Variants in ATXN7 observed in about 807,000 individuals in gnomAD.
The protein encoded by ATXN7 is ataxin-7.
Under a neutral mutation model 70.5 loss-of-function variants are expected in ATXN7, and 12 were observed. The observed-to-expected ratio is 0.17, with a 90% confidence interval of 0.11 to 0.28. The LOEUF (loss-of-function observed/expected upper bound fraction) is 0.28, where lower values mean the gene tolerates loss of function less well. Ranked by LOEUF, ATXN7 falls within the 10% of genes least tolerant of loss-of-function variation. ATXN7 has a pLI of 1.00. For missense variants in ATXN7, 1,256 were observed against 1,131.7 expected, an observed-to-expected ratio of 1.11 and a Z score of -1.58; for synonymous variants, 498 against 448.7, an observed-to-expected ratio of 1.11 and a Z score of -1.39.
chr3:63,983,698 G>A (rs2075526542), intron 8 of ATXN7, among the ~76,000 whole-genome samples: 1 of 151,850 alleles, frequency 6.6e-6, no homozygotes, highest in Admixed American at 6.5e-5. Context: ...TTGCTCTGGG[G>A]TCTTCCTTCT....
At chr3:63,990,520 G>A (rs1192829591) in intron 10 of ATXN7, 146 bp downstream of exon 10, 1 of 1,175,784 alleles carries the variant, frequency 8.5e-7, no homozygotes, top group East Asian at 2.5e-5. Flanking sequence ...GTGCCCCAGA[G>A]GCAGCACACA....
chr3:63,863,930 A>G lies in ATXN7; in HGVS notation c.-339A>G. 2 of 601,754 alleles carry G rather than the reference A, an allele frequency of 3.3e-6. No individual in the cohort carries two copies. The highest frequency in any genetic ancestry group is 4.1e-6 in the Non-Finnish European group (2 of 488,878). 37.3% of individuals were successfully genotyped at this position (601,754 alleles called of 1,614,324 possible). On this transcript the variant is annotated 5_prime_UTR_variant, in exon 1 of 13. Coordinates refer to ENST00000674280, the MANE Select transcript of ATXN7 (RefSeq NM_001377405.1). Reference sequence around the variant, plus strand: ...GCGGCGCCCGCGGCCGCCTGCTCCGACGCCTGAGCCGCGCCGCGCCGCGCC... The same window carrying G: ...GCGGCGCCCGCGGCCGCCTGCTCCGGCGCCTGAGCCGCGCCGCGCCGCGCC...
chr3:63,889,313 G>A (rs768722280), intron 1 of ATXN7, among the ~76,000 whole-genome samples: 9 of 152,256 alleles, frequency 5.9e-5, no homozygotes, highest in Admixed American at 1.3e-4. Flanking sequence ...GACCATATTT[G>A]TACTCCATTT....
chr3:63,967,681 T>TG, intron 5 of ATXN7: 1 of 979,208 alleles, frequency 1.0e-6, no homozygotes, highest in Admixed American at 4.0e-5. Context: ...AATAGAAAGA[T>TG]TAATTTACAC....
intron 4 of ATXN7, among the ~76,000 whole-genome samples, chr3:63,928,230 G>T (rs1704793300): frequency 1.3e-5 from 2 of 152,186 alleles, no homozygotes; most frequent in African/African-American, 4.8e-5. Context: ...GAGCCCAGGA[G>T]GTTGAGGCTG....
chr3:63,981,242 G>T (rs916635340), intron 6 of ATXN7, among the ~76,000 whole-genome samples: 4 of 152,164 alleles, frequency 2.6e-5, no homozygotes, highest in African/African-American at 9.7e-5. Context: ...GGGGCTGTTT[G>T]TCCTGGTTGC....
intron 1 of ATXN7, among the ~76,000 whole-genome samples, chr3:63,894,701 A>G (rs1399679976): frequency 6.6e-6 from 1 of 151,796 alleles, no homozygotes; most frequent in African/African-American, 2.4e-5. Flanking sequence ...GTTTTTAAAA[A>G]TTTTCTGTAG....
At chr3:63,932,103 GT>G (rs139093347) in intron 4 of ATXN7, among the ~76,000 whole-genome samples, 2 of 152,010 alleles carry the variant, frequency 1.3e-5, no homozygotes, top group Non-Finnish European at 1.5e-5. Context: ...TATCCAAAGT[GT>G]TTTTTTATAA....
intron 5 of ATXN7, among the ~76,000 whole-genome samples, chr3:63,967,324 A>T (rs1355857266): frequency 6.6e-6 from 1 of 152,242 alleles, no homozygotes; most frequent in Admixed American, 6.5e-5. Flanking sequence ...ATATGCACAG[A>T]AAGTGGGTTC....
rs530867323 is a variant in ATXN7 at position 63,921,681 on chromosome 3, G to A, written c.394+8456G>A. Among the ~76,000 whole-genome samples the A allele has an allele frequency of 8.5e-4, 130 of 152,234 alleles. 2 individuals carry two copies. The South Asian group carries it at 0.026, about 30-fold the overall frequency. ...GTTAGCTTTACACAGAGACAGTTCT[G>A]GGAACCCCAGTTCTAGAATTAAGCC... On this transcript the variant is annotated intron_variant, in intron 4 of 12. Transcript: ENST00000674280.
At chr3:63,998,284 T>C in intron 12 of ATXN7, 2 of 984,806 alleles carry the variant, frequency 2.0e-6, no homozygotes, top group African/African-American at 3.5e-5. Flanking sequence ...CTTCCAGACA[T>C]TTGTTACCAG....
chr3:63,870,253 TA>T (rs1702556405), intron 1 of ATXN7, among the ~76,000 whole-genome samples: 1 of 152,218 alleles, frequency 6.6e-6, no homozygotes. Flanking sequence ...TTCAACCATT[TA>T]AAAATGTGAA....
intron 11 of ATXN7, among the ~76,000 whole-genome samples, chr3:63,993,491 T>C (rs1033434207): frequency 4.0e-5 from 6 of 151,720 alleles, no homozygotes; most frequent in Non-Finnish European, 8.8e-5. Flanking sequence ...GAGGCATACA[T>C]TGAAAACCGA....
At chr3:63,897,354 T>C (rs1703477894) in intron 1 of ATXN7, among the ~76,000 whole-genome samples, 1 of 152,148 alleles carries the variant, frequency 6.6e-6, no homozygotes, top group Non-Finnish European at 1.5e-5. Flanking sequence ...GTGAATAAAA[T>C]TGACACTTTT....
intron 9 of ATXN7, among the ~76,000 whole-genome samples, chr3:63,989,917 C>T (rs1043699422): frequency 8.5e-5 from 13 of 152,188 alleles, no homozygotes; most frequent in African/African-American, 3.1e-4. Flanking sequence ...GGGATCTGAA[C>T]CACCCAAATG....
At position 63,952,480 on chromosome 3, in the gene ATXN7, T is replaced by A; in HGVS notation, c.496T>A (p.Tyr166Asn). The stretch of plus-strand genomic sequence containing the variant: ...CAAACCGCAGGCATTTCAATCACAT[T>A]ATGGTAAGTGCTTAACCATTTAAAA... ...VVKPQAFQSH[Y>N]ERRHSSSSKP... The change falls in exon 5 of 13, where the codon TAT (tyrosine) becomes AAT (asparagine). Residue 166 changes from tyrosine to asparagine, a missense_variant. Tyr to Asn is a moderately radical substitution (Grantham distance 143, BLOSUM62 -2). Transcript: ENST00000674280. 1 of 1,603,346 alleles carries A rather than the reference T, an allele frequency of 6.2e-7. No individual in the cohort carries two copies. Among genetic ancestry groups the A allele is most frequent in the Non-Finnish European group, 8.5e-7 (1 of 1,172,370 alleles).
intron 5 of ATXN7, among the ~76,000 whole-genome samples, chr3:63,956,356 G>A (rs2075038329): frequency 7.0e-6 from 1 of 143,014 alleles, no homozygotes; most frequent in Non-Finnish European, 1.5e-5. Context: ...TGGAGGTGGA[G>A]CTTGCAGTGA....
intron 5 of ATXN7, among the ~76,000 whole-genome samples, chr3:63,972,792 A>G (rs1328289877): frequency 6.6e-6 from 1 of 152,246 alleles, no homozygotes; most frequent in Non-Finnish European, 1.5e-5. Flanking sequence ...ACGTAAAAAT[A>G]TGTATACTAA....
At chr3:63,965,058 C>T (rs564806771) in intron 5 of ATXN7, among the ~76,000 whole-genome samples, 33 of 152,272 alleles carry the variant, frequency 2.2e-4, no homozygotes, top group Non-Finnish European at 4.6e-4. Flanking sequence ...TGAATGACAC[C>T]TCTGCTGGCT....
Sources: allele counts gnomAD v4.1 joint callset (sites outside exome capture counted in the v4.1 genomes callset), GRCh38; gene constraint gnomAD v4.1.1; transcripts MANE v1.5; gene names NCBI Gene and HGNC (gene_info 2026-07-23, HGNC 2026-07-21).